MALRD1: variants seen among roughly 807,000 people sequenced by gnomAD.
MALRD1 encodes MAM and LDL receptor class A domain containing 1.
In MALRD1, 247 loss-of-function variants were observed where a neutral mutation model predicts 242.1. The ratio of observed to expected loss-of-function variants is 1.02; its 90% confidence interval spans 0.92 to 1.13. MALRD1 has a LOEUF of 1.13. Ranked by LOEUF, MALRD1 falls within the 50% of genes most tolerant of loss-of-function variation. MALRD1 has a pLI of 0.00. For synonymous variants in MALRD1, 995 were observed against 866.6 expected, an observed-to-expected ratio of 1.15 and a Z score of -2.60; for missense variants, 2,989 against 2,533.1, an observed-to-expected ratio of 1.18 and a Z score of -3.86.
In MALRD1 at chr10:19,304,980, C is replaced by G. The variant is rs551922650; in HGVS notation, c.3420-18969C>G. Among the ~76,000 whole-genome samples the G allele has an allele frequency of 2.0e-5, 3 of 151,764 alleles. No individual in the cohort carries two copies. The East Asian group carries it at 5.9e-4, about 30-fold the overall frequency. On this transcript the variant is annotated intron_variant, in intron 21 of 39. Transcript: ENST00000454679. ...TCCCTCATCAACCAAAAAGTATTGA[C>G]AAAGCATCCCCAATCATTGAAGTCA...
At chr10:19,399,348 T>G (rs1846726436) in intron 28 of MALRD1, among the ~76,000 whole-genome samples, 1 of 152,228 alleles carries the variant, frequency 6.6e-6, no homozygotes, top group Non-Finnish European at 1.5e-5. Flanking sequence ...GGGCATTGCT[T>G]GAAAAATTGT....
chr10:19,401,010 T>A (rs1159289871), intron 28 of MALRD1, among the ~76,000 whole-genome samples: 1 of 151,866 alleles, frequency 6.6e-6, no homozygotes, highest in South Asian at 2.1e-4. Flanking sequence ...AGGGAGACTA[T>A]GTCTCAGAAA....
chr10:19,675,316 C>T lies in MALRD1; in HGVS notation c.6138-16966C>T, dbSNP rs764542688. On this transcript the variant is annotated intron_variant, in intron 36 of 39. Transcript: ENST00000454679. The stretch of plus-strand genomic sequence containing the variant: ...AAATTTACCATTTCACTAATATTCA[C>T]ATTGTACAATGACAAGCAGACAAGC... 7.9e-5 allele frequency among the ~76,000 whole-genome samples: 12 copies of T among 152,268 alleles called. No homozygotes were observed. In the Middle Eastern group the frequency reaches 0.017, roughly 216 times the overall value.
intron 21 of MALRD1, among the ~76,000 whole-genome samples, chr10:19,314,127 T>C (rs909110468): frequency 6.6e-6 from 1 of 151,604 alleles, no homozygotes; most frequent in South Asian, 2.1e-4. Flanking sequence ...TCAAGCTACT[T>C]TTCAAGAGAT....
chr10:19,085,910 A>T (rs1401432909), intron 2 of MALRD1, among the ~76,000 whole-genome samples: 11 of 151,960 alleles, frequency 7.2e-5, no homozygotes, highest in Admixed American at 5.9e-4. Flanking sequence ...GAATGCTATT[A>T]CCATTTGTAT....
At chr10:19,551,454 G>T (rs936265742) in intron 32 of MALRD1, among the ~76,000 whole-genome samples, 6 of 152,110 alleles carry the variant, frequency 3.9e-5, no homozygotes, top group Non-Finnish European at 7.4e-5. Context: ...TGCTGATTTT[G>T]TATCTTTAGA....
At chr10:19,503,038 A>G (rs1037635579) in intron 31 of MALRD1, among the ~76,000 whole-genome samples, 1 of 152,168 alleles carries the variant, frequency 6.6e-6, no homozygotes, top group Non-Finnish European at 1.5e-5. Context: ...TATACAAGCA[A>G]TGTTGTCTGC....
At chr10:19,413,570 A>G (rs16918689) in intron 28 of MALRD1, among the ~76,000 whole-genome samples, 7,850 of 151,600 alleles carry the variant, frequency 0.052, 340 homozygotes, top group African/African-American at 0.12. Flanking sequence ...CATGAAAAAA[A>G]AAGGATTTTA....
intron 33 of MALRD1, among the ~76,000 whole-genome samples, chr10:19,591,782 G>A (rs890171536): frequency 6.6e-6 from 1 of 152,188 alleles, no homozygotes; most frequent in Non-Finnish European, 1.5e-5. Flanking sequence ...ACAGGCATGA[G>A]CCGCTATGCC....
intron 32 of MALRD1, among the ~76,000 whole-genome samples, chr10:19,557,402 A>G (rs1406147608): frequency 6.6e-6 from 1 of 152,104 alleles, no homozygotes; most frequent in African/African-American, 2.4e-5. Flanking sequence ...ATCTTCTACA[A>G]GTTTTATAGT....
chr10:19,345,891 C>A (rs941275264), intron 24 of MALRD1, among the ~76,000 whole-genome samples: 1 of 151,710 alleles, frequency 6.6e-6, no homozygotes, highest in Non-Finnish European at 1.5e-5. Flanking sequence ...TCTTATATAT[C>A]CCCAAATGAC....
chr10:19,412,789 C>T (rs74118939), intron 28 of MALRD1, among the ~76,000 whole-genome samples: 3,074 of 152,148 alleles, frequency 0.02, 95 homozygotes, highest in African/African-American at 0.07. Context: ...TTGTGTCTTG[C>T]CATCTTTTTC....
intron 36 of MALRD1, among the ~76,000 whole-genome samples, chr10:19,665,041 A>C (rs1373925210): frequency 6.6e-6 from 1 of 152,136 alleles, no homozygotes; most frequent in Non-Finnish European, 1.5e-5. Flanking sequence ...TTTGTCCTCT[A>C]CCCATCTTAG....
intron 19 of MALRD1, among the ~76,000 whole-genome samples, chr10:19,270,574 A>T (rs1179657667): frequency 1.3e-5 from 2 of 152,088 alleles, no homozygotes; most frequent in African/African-American, 4.8e-5. Flanking sequence ...CAAATGCCAG[A>T]GTTAGGAAGT....
At chr10:19,307,187 A>G (rs1212858148) in intron 21 of MALRD1, among the ~76,000 whole-genome samples, 1 of 151,520 alleles carries the variant, frequency 6.6e-6, no homozygotes, top group African/African-American at 2.4e-5. Flanking sequence ...TACCCATTAT[A>G]TACTTTGGTC....
intron 21 of MALRD1, among the ~76,000 whole-genome samples, chr10:19,315,591 ATATT>A (rs1316022611): frequency 6.7e-5 from 5 of 74,826 alleles, no homozygotes; most frequent in Admixed American, 5.4e-4. Context: ...TAAATTATAA[ATATT>A]TATATAAATT....
intron 12 of MALRD1, among the ~76,000 whole-genome samples, chr10:19,161,550 C>CCA (rs1834410363): frequency 4.9e-5 from 3 of 60,842 alleles, no homozygotes; most frequent in African/African-American, 6.8e-5. Flanking sequence ...AAAAAAAAAG[C>CCA]AAAAAAAAAA....
intron 24 of MALRD1, among the ~76,000 whole-genome samples, chr10:19,342,622 G>C (rs917343130): frequency 6.6e-6 from 1 of 152,062 alleles, no homozygotes; most frequent in South Asian, 2.1e-4. Context: ...ACATTGCTTT[G>C]AAAACAACCA....
At chr10:19,338,274 G>A (rs1355518493) in intron 24 of MALRD1, among the ~76,000 whole-genome samples, 2 of 152,010 alleles carry the variant, frequency 1.3e-5, no homozygotes, top group Non-Finnish European at 2.9e-5. Context: ...GACTACCATA[G>A]TATCCTTACA....
Sources: allele counts gnomAD v4.1 joint callset (sites outside exome capture counted in the v4.1 genomes callset), GRCh38; gene constraint gnomAD v4.1.1; transcripts MANE v1.5; gene names NCBI Gene and HGNC (gene_info 2026-07-23, HGNC 2026-07-21).